FOXN3: variants seen among roughly 807,000 people sequenced by gnomAD.
FOXN3 encodes forkhead box N3, also known as forkhead box protein N3.
In FOXN3, 7 loss-of-function variants were observed where a neutral mutation model predicts 38.4. The observed-to-expected ratio is 0.18, with a 90% CI of 0.10 to 0.34. The LOEUF is 0.34. FOXN3 is among the 10% of genes least tolerant of loss of function. FOXN3 has a pLI of 1.00. For missense variants in FOXN3, 456 were observed against 613.4 expected, an observed-to-expected ratio of 0.74 and a Z score of 2.71; for synonymous variants, 230 against 242.2, an observed-to-expected ratio of 0.95 and a Z score of 0.47.
intron 1 of FOXN3, among the ~76,000 whole-genome samples, chr14:89,532,922 TGA>T (rs1894600917): frequency 6.6e-6 from 1 of 152,168 alleles, no homozygotes; most frequent in African/African-American, 2.4e-5. Context: ...AACAAAGACC[TGA>T]GAGATACATT....
chr14:89,216,202 G>A (rs1884275690), intron 4 of FOXN3, among the ~76,000 whole-genome samples: 1 of 152,126 alleles, frequency 6.6e-6, no homozygotes, highest in African/African-American at 2.4e-5. Flanking sequence ...TGGGAGGGAG[G>A]AGGTAGCTCA....
intron 1 of FOXN3, among the ~76,000 whole-genome samples, chr14:89,555,881 G>GTGTGTGTGTGTGTGTGT (rs374731979): frequency 8.7e-6 from 1 of 115,464 alleles, no homozygotes; most frequent in African/African-American, 2.7e-5. Flanking sequence ...GTGTGTATGT[G>GTGTGTGTGTGTGTGTGT]GGGGTGTATG....
chr14:89,614,485 C>T (rs578090190), intron 1 of FOXN3, among the ~76,000 whole-genome samples: 1 of 152,300 alleles, frequency 6.6e-6, no homozygotes, highest in South Asian at 2.1e-4. Flanking sequence ...CACTGTATTA[C>T]GTCACTAATT....
At chr14:89,579,615 T>C (rs1895704831) in intron 1 of FOXN3, among the ~76,000 whole-genome samples, 2 of 151,996 alleles carry the variant, frequency 1.3e-5, no homozygotes, top group Non-Finnish European at 2.9e-5. Flanking sequence ...ATTCCACAAC[T>C]CACCAACCTC....
intron 4 of FOXN3, among the ~76,000 whole-genome samples, chr14:89,214,743 GT>G (rs950793526): frequency 6.6e-6 from 1 of 152,162 alleles, no homozygotes; most frequent in Non-Finnish European, 1.5e-5. Flanking sequence ...TTGTCAGACT[GT>G]TTTTTTCTCA....
intron 4 of FOXN3, among the ~76,000 whole-genome samples, chr14:89,237,232 T>C (rs1885007794): frequency 6.6e-6 from 1 of 152,206 alleles, no homozygotes; most frequent in Non-Finnish European, 1.5e-5. Context: ...CACATGGAGA[T>C]ACCCCTTCAA....
In FOXN3 at chr14:89,160,613, C is replaced by T. The variant is rs1458127230; in HGVS notation, c.*1801G>A. ...CGTCCCATAATTCTCTTGATTCTAT[C>T]ATACACACTCACTACTAAGTTTGCC... On this transcript the variant is annotated 3_prime_UTR_variant, in exon 6 of 6. Transcript: ENST00000557258. 4 of 152,580 alleles carry T rather than the reference C, an allele frequency of 2.6e-5. No individual in the cohort carries two copies. The highest frequency in any genetic ancestry group is 5.9e-5 in the Non-Finnish European group (4 of 68,018). 9.5% of individuals were successfully genotyped at this position (152,580 alleles called of 1,614,324 possible).
intron 1 of FOXN3, among the ~76,000 whole-genome samples, chr14:89,504,308 C>A (rs1893863859): frequency 6.6e-6 from 1 of 152,208 alleles, no homozygotes; most frequent in Admixed American, 6.5e-5. Context: ...TGCAGGACGG[C>A]TGCATTGCCA....
At chr14:89,570,860 C>T (rs1332426434) in intron 1 of FOXN3, among the ~76,000 whole-genome samples, 1 of 152,138 alleles carries the variant, frequency 6.6e-6, no homozygotes, top group East Asian at 1.9e-4. Flanking sequence ...TCAGACTAAC[C>T]ATGGTAGCGA....
chr14:89,400,469 T>A (rs1001562797), intron 2 of FOXN3, among the ~76,000 whole-genome samples: 1 of 152,186 alleles, frequency 6.6e-6, no homozygotes, highest in African/African-American at 2.4e-5. Flanking sequence ...AAATTTAACA[T>A]GGTCAAAAGA....
intron 1 of FOXN3, among the ~76,000 whole-genome samples, chr14:89,597,485 C>T (rs1896080581): frequency 6.6e-6 from 1 of 152,106 alleles, no homozygotes; most frequent in African/African-American, 2.4e-5. Context: ...TGTTAATTAA[C>T]TTTGTTCAAA....
chr14:89,601,329 T>C (rs1896148108), intron 1 of FOXN3, among the ~76,000 whole-genome samples: 1 of 152,230 alleles, frequency 6.6e-6, no homozygotes, highest in African/African-American at 2.4e-5. Context: ...TATAAAGTAA[T>C]TTGCCACATG....
chr14:89,332,999 T>C (rs1469594328), intron 3 of FOXN3: 3 of 152,146 alleles, frequency 2.0e-5, no homozygotes, highest in African/African-American at 7.2e-5. Flanking sequence ...TCACTAATCA[T>C]CAGGGAAATG....
chr14:89,495,061 T>TCAATATTTAA (rs1893651411), intron 1 of FOXN3, among the ~76,000 whole-genome samples: 1 of 152,222 alleles, frequency 6.6e-6, no homozygotes, highest in South Asian at 2.1e-4. Flanking sequence ...ATTATTCAAC[T>TCAATATTTAA]GGTAAGCCGC....
At chr14:89,415,879 CACA>C (rs1250601898) in intron 1 of FOXN3, among the ~76,000 whole-genome samples, 2 of 147,068 alleles carry the variant, frequency 1.4e-5, no homozygotes, top group Non-Finnish European at 3.0e-5. Flanking sequence ...CACACACACA[CACA>C]CCCTCTTTTG....
At chr14:89,231,150 T>C (rs1566934716) in intron 4 of FOXN3, among the ~76,000 whole-genome samples, 1 of 152,226 alleles carries the variant, frequency 6.6e-6, no homozygotes, top group Admixed American at 6.5e-5. Flanking sequence ...ACATAAAAGA[T>C]GATGTGTTTT....
At chr14:89,453,743 C>T (rs1291042744) in intron 1 of FOXN3, among the ~76,000 whole-genome samples, 1 of 152,016 alleles carries the variant, frequency 6.6e-6, no homozygotes, top group East Asian at 1.9e-4. Flanking sequence ...TTTTGGTGGG[C>T]CCCATCATTT....
In FOXN3 at chr14:89,582,583, G is replaced by A. The variant is rs530345993; in HGVS notation, c.-15+36445C>T. Among the ~76,000 whole-genome samples the A allele has an allele frequency of 4.7e-5, 7 of 149,976 alleles. No individual in the cohort carries two copies. The East Asian group carries it at 5.9e-4, about 13-fold the overall frequency. On this transcript the variant is annotated intron_variant, in intron 1 of 6. Coordinates refer to the FOXN3 transcript ENST00000345097. ...CAGGTCACTGCAAGCTCCACCTCCC[G>A]GGTTCATGCCATTCTCCTGCCTCAG...
intron 4 of FOXN3, among the ~76,000 whole-genome samples, chr14:89,221,905 C>G (rs532113395): frequency 4.4e-4 from 66 of 150,468 alleles, no homozygotes; most frequent in African/African-American, 1.6e-3. Flanking sequence ...TCACTGCAAG[C>G]TCCACCTCCC....
Sources: gnomAD v4.1 joint callset for allele counts (sites outside exome capture counted in the v4.1 genomes callset) on GRCh38, gnomAD v4.1.1 for gene constraint, MANE v1.5 for transcripts, NCBI Gene and HGNC (gene_info 2026-07-23, HGNC 2026-07-21) for gene names.